Variants in RHOT2 observed in about 807,000 individuals in gnomAD.
RHOT2 encodes the protein mitochondrial Rho GTPase 2.
A neutral mutation model predicts 81.6 loss-of-function variants in RHOT2; 90 were observed. That is an observed-to-expected ratio of 1.10 (90% CI 0.93 to 1.31). The LOEUF (loss-of-function observed/expected upper bound fraction) is 1.31. Among genes scored for constraint, RHOT2 ranks in the 40% most tolerant of loss-of-function variants. RHOT2 has a pLI of 0.00. For missense variants in RHOT2, 1,014 were observed against 841.9 expected (o/e 1.20, Z -2.53); for synonymous variants, 512 against 370.9 (o/e 1.38, Z -4.37).
chr16:671,406 C>CG (rs1376175444), intron 11 of RHOT2: 6 of 182,028 alleles, frequency 3.3e-5, no homozygotes, highest in Admixed American at 1.8e-4. Context: ...AGCTCTGAGT[C>CG]GGGGGGTGGG....
At position 670,962 on chromosome 16, in the gene RHOT2, TGGCGGGC is replaced by T. The variant is rs1269241233; in HGVS notation, c.715_721del (p.Gly239CysfsTer6). 3 of 1,566,694 alleles carry T rather than the reference TGGCGGGC, an allele frequency of 1.9e-6. No individual in the cohort carries two copies. The South Asian group carries it at 3.5e-5, about 18-fold the overall frequency. On this transcript the variant is annotated frameshift_variant, in exon 10 of 19. Transcript: ENST00000315082. LOFTEE classifies it high-confidence loss of function. ...GTGAAGACGGTGGTGTGCAGGAACG[TGGCGGGC>T]GGCGTGCGGGAGGACCGGCTGACCC...
rs758532306 is a variant in RHOT2 at position 671,044 on chromosome 16, G to C, written c.749-39G>C. On this transcript the variant is annotated intron_variant, in intron 10 of 18. Coordinates refer to ENST00000315082, the MANE Select transcript of RHOT2 (RefSeq NM_138769.3). Reference sequence around the variant, plus strand: ...CTGTGCCTGGGGAGTGTGGGGAGGGGGCTGTGCCTGGTGCTCCCCCTGCTT... The same window carrying C: ...CTGTGCCTGGGGAGTGTGGGGAGGGCGCTGTGCCTGGTGCTCCCCCTGCTT... 18 of 1,608,114 alleles carry C rather than the reference G, an allele frequency of 1.1e-5. 1 individual carries two copies. In the East Asian group the frequency reaches 4.0e-4, roughly 36 times the overall value.
rs1045819343 is a variant in RHOT2, at chr16:670,494, C to T, written c.477C>T (p.Phe159=). The T allele has an allele frequency of 6.2e-7, 1 of 1,608,452 alleles. No homozygotes were observed. The highest frequency in any genetic ancestry group is 1.1e-5 in the South Asian group (1 of 90,430). Residue 159 remains phenylalanine, a synonymous_variant, in exon 8 of 19, where the codon TTC becomes TTT. Coordinates refer to ENST00000315082, the MANE Select transcript of RHOT2 (RefSeq NM_138769.3). ...AKNLRNISEL[F]YYAQKAVLHP... ...ACCTGAGGAACATCTCAGAGCTGTTCTACTACGCCCAGAAGGCCGTCCTGC... is the reference window on the plus strand; with the variant it reads ...ACCTGAGGAACATCTCAGAGCTGTTTTACTACGCCCAGAAGGCCGTCCTGC...
At position 671,744 on chromosome 16, in the gene RHOT2, A is replaced by G. The variant is rs760095794; in HGVS notation, c.917A>G (p.Tyr306Cys). 202 of 1,612,358 alleles carry G rather than the reference A, an allele frequency of 1.3e-4. No homozygotes were observed. Among genetic ancestry groups the G allele is most frequent in the Non-Finnish European group, 1.6e-4 (193 of 1,179,792 alleles). ...AGCACGGAGCTCAACCACCTTGGCT[A>G]CCAGTTTGTGCAGAGAGTGTTTGAG... The part of the protein sequence containing the change: ...GCSTELNHLG[Y>C]QFVQRVFEKH... Residue 306 changes from tyrosine (Y) to cysteine (C), a missense_variant, in exon 12 of 19, where the codon TAC becomes TGC. By Grantham distance (194) the Tyr-to-Cys change is radical. Coordinates refer to ENST00000315082, the MANE Select transcript of RHOT2 (RefSeq NM_138769.3).
intron 4 of RHOT2, chr16:669,262 C>T: frequency 1.9e-6 from 1 of 529,878 alleles, no homozygotes; most frequent in Non-Finnish European, 3.4e-6. Context: ...TCTTGCTGAC[C>T]ACAGTTATGC....
At position 673,847 on chromosome 16, in the gene RHOT2, G is replaced by A. The variant is rs1303357916; in HGVS notation, c.*241G>A. ...GGTGGCTGAGCAGGAGCTCCCAAGTGCCGGCCACCGCTGTCAGGGATTGCC... is the reference window on the plus strand; with the variant it reads ...GGTGGCTGAGCAGGAGCTCCCAAGTACCGGCCACCGCTGTCAGGGATTGCC... On this transcript the variant is annotated 3_prime_UTR_variant, in exon 19 of 19. Transcript: ENST00000315082. 6.5e-6 allele frequency: 4 copies of A among 611,656 alleles called. No homozygotes were observed. The highest frequency in any genetic ancestry group is 1.2e-5 in the Non-Finnish European group (4 of 339,950). 37.9% of individuals were successfully genotyped at this position (611,656 alleles called of 1,614,324 possible). A position where few individuals can be genotyped will look rare whatever the true frequency, so the allele number is the denominator to read the frequency against.
In RHOT2 at chr16:671,971, T is replaced by C; in HGVS notation, c.1066T>C (p.Leu356=). ...CACAGTCCGCACAGAGGCCGGCCGG[T>C]TGCCCCTGCACGGATACCTCTGCCA... ...PRTVRTEAGR[L]PLHGYLCQWT... Residue 356 remains leucine, a synonymous_variant, in exon 13 of 19, where the codon TTG becomes CTG. Transcript: ENST00000315082. The C allele has an allele frequency of 6.2e-7, 1 of 1,612,146 alleles. No homozygotes were observed. The highest frequency in any genetic ancestry group is 8.5e-7 in the Non-Finnish European group (1 of 1,179,764).
In RHOT2 at chr16:673,966, C is replaced by A. The variant is rs1408597917; in HGVS notation, c.*360C>A. 2.1e-6 allele frequency: 1 copy of A among 485,276 alleles called. No individual in the cohort carries two copies. 30.1% of individuals were successfully genotyped at this position (485,276 alleles called of 1,614,324 possible). On this transcript the variant is annotated 3_prime_UTR_variant, in exon 19 of 19. Coordinates refer to ENST00000315082, the MANE Select transcript of RHOT2 (RefSeq NM_138769.3). ...ATTCTCAGGGCTCTACCCCCCTTTC[C>A]TGGTCCTAGGTGGCCAGTGGGTATG...
At chr16:671,439 C>T (rs1426349392) in intron 11 of RHOT2, 6 of 705,220 alleles carry the variant, frequency 8.5e-6, no homozygotes, top group African/African-American at 1.8e-5. Flanking sequence ...TTGCCAACCC[C>T]GCTCGCGTGG....
chr16:668,706 G>A lies in RHOT2; in HGVS notation c.222+7G>A. 1 of 1,593,350 alleles carries A rather than the reference G, an allele frequency of 6.3e-7. No homozygotes were observed. Among genetic ancestry groups the A allele is most frequent in the Non-Finnish European group, 8.5e-7 (1 of 1,171,958 alleles). ...GCGGGAGGAGATCCACAAGGTACCCGTGGTGCGCGGGACGAGGGAGGGGCT... is the reference window on the plus strand; with the variant it reads ...GCGGGAGGAGATCCACAAGGTACCCATGGTGCGCGGGACGAGGGAGGGGCT... On this transcript the variant is annotated splice_region_variant and intron_variant, in intron 4 of 18. Coordinates refer to ENST00000315082, the MANE Select transcript of RHOT2 (RefSeq NM_138769.3).
intron 11 of RHOT2, 127 bp from the exon 12 acceptor site, chr16:671,570 G>T: frequency 2.9e-6 from 3 of 1,047,356 alleles, no homozygotes; most frequent in Non-Finnish European, 2.8e-6. Context: ...GGTCGGGGGC[G>T]TACAGGAGCC....
rs376518120 is a variant in RHOT2 at position 672,245 on chromosome 16, T to A, written c.1196-9T>A. Reference sequence around the variant, plus strand: ...TGGCAGCTGCCCTAACCCGTGTCTATCCTCACAGTCACTCGTGAGAAGAGG... The same window carrying A: ...TGGCAGCTGCCCTAACCCGTGTCTAACCTCACAGTCACTCGTGAGAAGAGG... On this transcript the variant is annotated splice_polypyrimidine_tract_variant and intron_variant, in intron 14 of 18. Transcript: ENST00000315082. 6.2e-7 allele frequency: 1 copy of A among 1,611,348 alleles called. No homozygotes were observed. The highest frequency in any genetic ancestry group is 1.3e-5 in the African/African-American group (1 of 74,910).
At chr16:669,277 G>A (rs917568836) in intron 4 of RHOT2, 71 of 550,518 alleles carry the variant, frequency 1.3e-4, no homozygotes, top group Non-Finnish European at 7.9e-5. Context: ...TTATGCTTCT[G>A]GGGCCTGGTG....
In RHOT2 at chr16:672,663, G is replaced by A. The variant is rs757579086; in HGVS notation, c.1405-40G>A. On this transcript the variant is annotated intron_variant, in intron 16 of 18. Transcript: ENST00000315082. ...GGCCCAGCATGGCCCTAGGGGGACC[G>A]AGCCCCAGGGACCCTTCCTAAGGCC... 2.9e-5 allele frequency: 47 copies of A among 1,611,098 alleles called. No individual in the cohort carries two copies. In the Admixed American group the frequency reaches 6.3e-4, roughly 22 times the overall value.
At chr16:668,305 G>T in intron 1 of RHOT2, 48 bp from the exon 2 acceptor site, 1 of 1,235,630 alleles carries the variant, frequency 8.1e-7, no homozygotes, top group Non-Finnish European at 1.0e-6. Flanking sequence ...CGGGGGTCGG[G>T]GGGCGCCGTG....
rs1284780796 is a variant in RHOT2, at chr16:670,607, G to A, written c.540+50G>A. The A allele has an allele frequency of 5.6e-6, 9 of 1,600,284 alleles. No homozygotes were observed. In the East Asian group the frequency reaches 1.1e-4, roughly 20 times the overall value. On this transcript the variant is annotated intron_variant, in intron 8 of 18. Coordinates refer to ENST00000315082, the MANE Select transcript of RHOT2 (RefSeq NM_138769.3). ...CGCTGGTTCCCCAGGGGCCCAGGGG[G>A]TGCTGGGTGGGGCGGTGTGGCAGGT...
intron 18 of RHOT2, 125 bp from the exon 19 acceptor site, chr16:673,355 G>A (rs1211871912): frequency 6.9e-6 from 10 of 1,450,750 alleles, no homozygotes; most frequent in Middle Eastern, 2.0e-4. Flanking sequence ...GGCCTCCACC[G>A]GCTGTGCCTC....
Position 672,372 on chromosome 16 carries a change from C to G in RHOT2, c.1314C>G (p.Gly438=), listed in dbSNP as rs1182071255. The part of the protein sequence containing the change: ...GKSAFLQAFL[G]RGLGHQDTRE... ...CTGCCTTCCTGCAGGCCTTTCTCGGCCGCGGCCTGGGGGTAAGCACCCTAG... is the reference window on the plus strand; with the variant it reads ...CTGCCTTCCTGCAGGCCTTTCTCGGGCGCGGCCTGGGGGTAAGCACCCTAG... The change falls in exon 15 of 19, where the codon GGC becomes GGG. Residue 438 remains glycine, a synonymous_variant. Coordinates refer to ENST00000315082, the MANE Select transcript of RHOT2 (RefSeq NM_138769.3). 6.2e-7 allele frequency: 1 copy of G among 1,610,230 alleles called. No homozygotes were observed. Among genetic ancestry groups the G allele is most frequent in the Non-Finnish European group, 8.5e-7 (1 of 1,178,514 alleles).
chr16:670,092 C>T (rs1374092523), intron 5 of RHOT2, 31 bp from the exon 6 acceptor site: 9 of 1,536,550 alleles, frequency 5.9e-6, no homozygotes, highest in African/African-American at 2.8e-5. Flanking sequence ...CCGCGGGCAG[C>T]CTCACTTCAC....
Sources: allele counts gnomAD v4.1 joint callset, GRCh38; gene constraint gnomAD v4.1.1; transcripts MANE v1.5; gene names NCBI Gene and HGNC (gene_info 2026-07-23, HGNC 2026-07-21).